MUCL3: variants seen among roughly 807,000 people sequenced by gnomAD.
MUCL3 encodes the protein mucin-like protein 3.
Under a neutral mutation model 70.2 loss-of-function variants are expected in MUCL3, and 42 were observed. That is an observed-to-expected ratio of 0.60 (90% CI 0.47 to 0.77). The LOEUF (loss-of-function observed/expected upper bound fraction) is 0.77. Ranked by LOEUF, MUCL3 falls within the 30% of genes least tolerant of loss-of-function variation. The pLI, the probability that MUCL3 is intolerant of heterozygous loss-of-function variation, is 0.00. For missense variants in MUCL3, 1,429 were observed against 1,670.0 expected (o/e 0.86, Z 2.52); for synonymous variants, 522 against 647.0 (o/e 0.81, Z 2.93).
At position 30,951,648 on chromosome 6, in the gene MUCL3, C is replaced by T. The variant is rs1311951390; in HGVS notation, c.3184C>T (p.Pro1062Ser). The change falls in exon 2 of 3, where the codon CCT (proline) becomes TCT (serine). Residue 1062 changes from proline (P) to serine (S), a missense_variant. By Grantham distance (74) the Pro-to-Ser change is moderately conservative. Transcript: ENST00000462446. The stretch of plus-strand genomic sequence containing the variant: ...GAACACCACACCATCCCCAGTAAAG[C>T]CTACAGAACATGGAGAAAAGACTAC... ...NENTTPSPVK[P>S]TEHGEKTTLA... 7.7e-6 allele frequency: 12 copies of T among 1,551,558 alleles called. No homozygotes were observed. Among genetic ancestry groups the T allele is most frequent in the Non-Finnish European group, 1.0e-5 (12 of 1,146,526 alleles).
intron 1 of MUCL3, among the ~76,000 whole-genome samples, chr6:30,942,308 C>T (rs3891155): frequency 0.18 from 27,974 of 152,094 alleles, 3,431 homozygotes; most frequent in African/African-American, 0.35. Flanking sequence ...CTACTGAACC[C>T]GGGGAGCAGA....
Position 30,950,970 on chromosome 6 carries a change from C to A in MUCL3, c.2506C>A (p.Gln836Lys). 1 of 1,548,332 alleles carries A rather than the reference C, an allele frequency of 6.5e-7. No individual in the cohort carries two copies. Among genetic ancestry groups the A allele is most frequent in the South Asian group, 1.2e-5 (1 of 83,910 alleles). ...AAGGACAGCCAATGAGAAGACCACA[C>A]AATTCCCAGCAGAGCCTACAGAAAA... is the stretch of plus-strand genomic sequence containing the variant. The part of the protein sequence containing the change: ...RERTANEKTT[Q>K]FPAEPTENRE... Residue 836 changes from glutamine to lysine, a missense_variant, in exon 2 of 3, where the codon CAA (glutamine) becomes AAA (lysine). Gln to Lys is a moderately conservative substitution (Grantham distance 53). Transcript: ENST00000462446.
chr6:30,950,790 T>C lies in MUCL3; in HGVS notation c.2326T>C (p.Ser776Pro). The change falls in exon 2 of 3, where the codon TCT (serine) becomes CCT (proline). Residue 776 changes from serine (S) to proline (P), a missense_variant. Transcript: ENST00000462446. ...TPLANEKTTPSLAEPTENGKR... is the reference protein window; with the variant it reads ...TPLANEKTTPPLAEPTENGKR... ...ATTGGCCAATGAGAAGACCACACCA[T>C]CTCTAGCAGAGCCTACAGAAAATGG... 1 of 1,543,940 alleles carries C rather than the reference T, an allele frequency of 6.5e-7. No homozygotes were observed. The highest frequency in any genetic ancestry group is 8.7e-7 in the Non-Finnish European group (1 of 1,146,050).
At position 30,948,753 on chromosome 6, in the gene MUCL3, G is replaced by C. The variant is rs1252121038; in HGVS notation, c.289G>C (p.Asp97His). 27 of 1,551,430 alleles carry C rather than the reference G, an allele frequency of 1.7e-5. No individual in the cohort carries two copies. The highest frequency in any genetic ancestry group is 2.4e-5 in the Non-Finnish European group (27 of 1,146,966). The change falls in exon 2 of 3, where the codon GAC (aspartate) becomes CAC (histidine). Residue 97 changes from aspartate (D) to histidine (H), a missense_variant. Asp to His is a moderately conservative substitution (Grantham distance 81). Coordinates refer to ENST00000462446, the MANE Select transcript of MUCL3 (RefSeq NM_080870.4). ...CNTTRHSKPTDKPTGNSKTID... is the reference protein window; with the variant it reads ...CNTTRHSKPTHKPTGNSKTID... ...CACCACACGCCATTCTAAGCCAACT[G>C]ACAAGCCTACAGGCAACTCCAAAAC...
intron 1 of MUCL3, among the ~76,000 whole-genome samples, chr6:30,943,770 A>T (rs986926071): frequency 1.3e-5 from 2 of 152,224 alleles, no homozygotes; most frequent in Admixed American, 6.5e-5. Context: ...AGAAAATGGA[A>T]AATAGAAAAA....
Position 30,952,346 on chromosome 6 carries a change from C to T in MUCL3, c.3882C>T (p.Asn1294=), listed in dbSNP as rs143551263. ...CTATCACATCAGAAGCCACAGGAAA[C>T]GAGAGCCATCCATACCTCAATAAAG... ...LSSITSEATG[N]ESHPYLNKDG... is the part of the protein sequence containing the mutation. Residue 1294 remains asparagine (N), a synonymous_variant, in exon 2 of 3, where the codon AAC becomes AAT. Transcript: ENST00000462446. The T allele has an allele frequency of 1.7e-5, 28 of 1,614,172 alleles. No homozygotes were observed. In the East Asian group the frequency reaches 2.5e-4, roughly 14 times the overall value.
rs995941241 is a variant in MUCL3 at position 30,953,317 on chromosome 6, A to C, written c.*200A>C. 1.4e-6 allele frequency: 1 copy of C among 697,742 alleles called. No individual in the cohort carries two copies. Among genetic ancestry groups the C allele is most frequent in the African/African-American group, 1.8e-5 (1 of 55,800 alleles). 43.2% of individuals were successfully genotyped at this position (697,742 alleles called of 1,614,324 possible). A position where few individuals can be genotyped will look rare whatever the true frequency, so the allele number is the denominator to read the frequency against. On this transcript the variant is annotated 3_prime_UTR_variant, in exon 3 of 3. Transcript: ENST00000462446. Reference sequence around the variant, plus strand: ...AGGAGGGTGTAAGTTTAGGGGACAAAGAAGAAAGAATGAATAATACGAGCA... The same window carrying C: ...AGGAGGGTGTAAGTTTAGGGGACAACGAAGAAAGAATGAATAATACGAGCA...
intron 1 of MUCL3, among the ~76,000 whole-genome samples, chr6:30,944,675 C>G (rs1160662932): frequency 6.6e-6 from 1 of 152,230 alleles, no homozygotes; most frequent in Admixed American, 6.5e-5. Flanking sequence ...TCTTTTATCC[C>G]AGCTGAGCAT....
chr6:30,945,673 G>C (rs958408011), intron 1 of MUCL3, among the ~76,000 whole-genome samples: 1 of 151,506 alleles, frequency 6.6e-6, no homozygotes, highest in Non-Finnish European at 1.5e-5. Context: ...CAAAAACCCC[G>C]GCCGGATGCA....
In MUCL3 at chr6:30,940,992, G is replaced by T; in HGVS notation, c.-8G>T. 1.9e-6 allele frequency: 3 copies of T among 1,548,672 alleles called. No individual in the cohort carries two copies. On this transcript the variant is annotated 5_prime_UTR_variant, in exon 1 of 3. Transcript: ENST00000462446. This position sits in a 1 kb window ranked among gnomAD's most constrained non-coding sequence, Gnocchi z 4.4. The stretch of plus-strand genomic sequence containing the variant: ...CCCATGGTCCCCAAGCAGCCACCCA[G>T]CTCCGACATGGCCCAGCCGGTCCAC...
intron 1 of MUCL3, among the ~76,000 whole-genome samples, chr6:30,944,065 G>A (rs548427759): frequency 9.9e-5 from 15 of 152,052 alleles, no homozygotes; most frequent in East Asian, 3.9e-4. Context: ...CCACATTATT[G>A]CAAATGGAGC....
Position 30,952,029 on chromosome 6 carries a change from C to T in MUCL3, c.3565C>T (p.Leu1189=). Residue 1189 remains leucine, a synonymous_variant, in exon 2 of 3, where the codon CTA becomes TTA. Coordinates refer to ENST00000462446, the MANE Select transcript of MUCL3 (RefSeq NM_080870.4). ...KTTRTPEKPT[L]YSEKTICTKG... Reference sequence around the variant, plus strand: ...CACAAGAACCCCAGAAAAGCCTACGCTATACTCAGAGAAGACCATATGCAC... The same window carrying T: ...CACAAGAACCCCAGAAAAGCCTACGTTATACTCAGAGAAGACCATATGCAC... The T allele has an allele frequency of 3.1e-6, 5 of 1,612,088 alleles. No individual in the cohort carries two copies. Among genetic ancestry groups the T allele is most frequent in the Non-Finnish European group, 4.2e-6 (5 of 1,179,746 alleles).
chr6:30,946,951 G>A (rs1795805402), intron 1 of MUCL3, among the ~76,000 whole-genome samples: 1 of 152,196 alleles, frequency 6.6e-6, no homozygotes, highest in Admixed American at 6.5e-5. Flanking sequence ...GAACCTGCCT[G>A]TCTCATTGTA....
At chr6:30,941,221 G>A in intron 1 of MUCL3, 140 bp downstream of exon 1, 5 of 1,059,020 alleles carry the variant, frequency 4.7e-6, no homozygotes, top group Non-Finnish European at 6.7e-6. Flanking sequence ...CTCTGCTCAA[G>A]TTTGCTGGCT....
rs769877471 is a variant in MUCL3 at position 30,951,827 on chromosome 6, T to G, written c.3363T>G (p.Ser1121=). 6.3e-5 allele frequency: 99 copies of G among 1,582,132 alleles called. No individual in the cohort carries two copies. Among genetic ancestry groups the G allele is most frequent in the Non-Finnish European group, 8.2e-5 (95 of 1,165,416 alleles). ...TTSPNDKITS[S]AAESTEHRDR... is the part of the protein sequence containing the mutation. ...CACCCAATGACAAGATCACCTCATC[T>G]GCAGCAGAGTCTACAGAACATAGAG... The change falls in exon 2 of 3, where the codon TCT becomes TCG. Residue 1121 remains serine (S), a synonymous_variant. Coordinates refer to ENST00000462446, the MANE Select transcript of MUCL3 (RefSeq NM_080870.4).
intron 1 of MUCL3, chr6:30,946,099 GC>G (rs1795766471): frequency 6.6e-6 from 1 of 152,396 alleles, no homozygotes; most frequent in Non-Finnish European, 1.5e-5. Flanking sequence ...CAAGAAGGTG[GC>G]CACAGCAGGT....
Position 30,951,657 on chromosome 6 carries a change from C to T in MUCL3, c.3193C>T (p.His1065Tyr). ...ACCATCCCCAGTAAAGCCTACAGAA[C>T]ATGGAGAAAAGACTACATTGGCCAA... is the stretch of plus-strand genomic sequence containing the variant. ...TTPSPVKPTE[H>Y]GEKTTLANEK... Residue 1065 changes from histidine (H) to tyrosine (Y), a missense_variant, in exon 2 of 3, where the codon CAT (histidine) becomes TAT (tyrosine). Coordinates refer to ENST00000462446, the MANE Select transcript of MUCL3 (RefSeq NM_080870.4). 1 of 1,552,098 alleles carries T rather than the reference C, an allele frequency of 6.4e-7. No homozygotes were observed. Among genetic ancestry groups the T allele is most frequent in the Non-Finnish European group, 8.7e-7 (1 of 1,147,022 alleles).
chr6:30,941,455 TTC>T (rs1554274265), intron 1 of MUCL3, among the ~76,000 whole-genome samples: 1 of 90,124 alleles, frequency 1.1e-5, no homozygotes, highest in Non-Finnish European at 2.3e-5. Flanking sequence ...CTTCTTCTTC[TTC>T]TTTTTTTTTT....
rs3132580 is a variant in MUCL3, at chr6:30,952,347, G to A, written c.3883G>A (p.Glu1295Lys). The change falls in exon 2 of 3, where the codon GAG becomes AAG. Residue 1295 changes from glutamate to lysine, a missense_variant. Glu to Lys is a moderately conservative substitution (Grantham distance 56). Coordinates refer to ENST00000462446, the MANE Select transcript of MUCL3 (RefSeq NM_080870.4). ...TATCACATCAGAAGCCACAGGAAAC[G>A]AGAGCCATCCATACCTCAATAAAGA... ...SSITSEATGN[E>K]SHPYLNKDGS... 0.13 allele frequency: 202,877 copies of A among 1,614,074 alleles called. 15,343 individuals are homozygous for A. The highest frequency in any genetic ancestry group is 0.15 in the Non-Finnish European group (179,713 of 1,179,990).
Sources: gnomAD v4.1 joint callset for allele counts (sites outside exome capture counted in the v4.1 genomes callset) on GRCh38, gnomAD v4.1.1 for gene constraint, Gnocchi (gnomAD v3.1) non-coding constraint, MANE v1.5 for transcripts, NCBI Gene and HGNC (gene_info 2026-07-23, HGNC 2026-07-21) for gene names.